The following TMPRSS15 variants were observed in gnomAD, a reference collection of about 807,000 sequenced individuals.
The protein encoded by TMPRSS15 is transmembrane serine protease 15, also known as enteropeptidase.
Under a neutral mutation model 125.3 loss-of-function variants are expected in TMPRSS15, and 128 were observed. The ratio of observed to expected loss-of-function variants is 1.02; its 90% CI spans 0.89 to 1.18. TMPRSS15 has a LOEUF of 1.18. Among genes scored for constraint, TMPRSS15 ranks in the 50% most tolerant of loss-of-function variants. TMPRSS15 has a pLI of 0.00. For synonymous variants in TMPRSS15, 446 were observed against 423.2 expected (o/e 1.05, Z -0.66); for missense variants, 1,283 against 1,212.7 (o/e 1.06, Z -0.86).
chr21:18,472,910 G>C (rs1042854419), intron 1 of TMPRSS15, among the ~76,000 whole-genome samples: 7 of 152,090 alleles, frequency 4.6e-5, no homozygotes, highest in African/African-American at 1.7e-4. Flanking sequence ...TAGCACGTAA[G>C]ATTGATAAGA....
At chr21:18,377,179 T>A (rs2075852942) in intron 5 of TMPRSS15, among the ~76,000 whole-genome samples, 1 of 152,158 alleles carries the variant, frequency 6.6e-6, no homozygotes, top group South Asian at 2.1e-4. Context: ...ACCACCTACT[T>A]ACCTTATAAT....
At chr21:18,461,083 A>C (rs1465757720) in intron 1 of TMPRSS15, among the ~76,000 whole-genome samples, 1 of 152,128 alleles carries the variant, frequency 6.6e-6, no homozygotes, top group East Asian at 1.9e-4. Context: ...GTCTTATCTT[A>C]GTTCCTTTCT....
chr21:18,368,846 T>C (rs1274187848), intron 6 of TMPRSS15, among the ~76,000 whole-genome samples: 5 of 152,208 alleles, frequency 3.3e-5, no homozygotes, highest in Admixed American at 6.5e-5. Context: ...GTATTTCTAA[T>C]AGCAACGCTC....
At chr21:18,346,882 A>T (rs2075514799) in intron 10 of TMPRSS15, among the ~76,000 whole-genome samples, 1 of 152,180 alleles carries the variant, frequency 6.6e-6, no homozygotes, top group South Asian at 2.1e-4. Context: ...TATTAAACCA[A>T]ATACAAATAC....
chr21:18,372,765 AG>A (rs1295807420), intron 5 of TMPRSS15, among the ~76,000 whole-genome samples: 1 of 152,202 alleles, frequency 6.6e-6, no homozygotes, highest in Non-Finnish European at 1.5e-5. Context: ...AGAGATTCTT[AG>A]GGGGTACACT....
intron 1 of TMPRSS15, among the ~76,000 whole-genome samples, chr21:18,447,002 A>G (rs1430386630): frequency 6.6e-6 from 1 of 152,270 alleles, no homozygotes; most frequent in Non-Finnish European, 1.5e-5. Flanking sequence ...CACAACTTAC[A>G]GAACAGGATA....
chr21:18,387,776 A>G (rs544187258), intron 3 of TMPRSS15, among the ~76,000 whole-genome samples: 2 of 152,214 alleles, frequency 1.3e-5, no homozygotes, highest in East Asian at 3.9e-4. Flanking sequence ...GATCATATAC[A>G]CATACATGGT....
chr21:18,455,390 C>G (rs1391623732), intron 1 of TMPRSS15, among the ~76,000 whole-genome samples: 1 of 152,006 alleles, frequency 6.6e-6, no homozygotes, highest in African/African-American at 2.4e-5. Flanking sequence ...AATCATAGTC[C>G]TTTATGGAAA....
At chr21:18,345,607 G>A (rs1036022192) in intron 10 of TMPRSS15, among the ~76,000 whole-genome samples, 1 of 147,598 alleles carries the variant, frequency 6.8e-6, no homozygotes, top group East Asian at 2.0e-4. Context: ...TGGGCGTGGT[G>A]GCGGGCGCCT....
chr21:18,483,980 A>G (rs958777471), intron 1 of TMPRSS15, among the ~76,000 whole-genome samples: 7 of 151,872 alleles, frequency 4.6e-5, no homozygotes, highest in Non-Finnish European at 8.8e-5. Context: ...ATTTTATATG[A>G]CTGGAATCAC....
At chr21:18,271,217 A>T (rs981824633) in intron 24 of TMPRSS15, among the ~76,000 whole-genome samples, 2 of 152,232 alleles carry the variant, frequency 1.3e-5, no homozygotes, top group Non-Finnish European at 2.9e-5. Context: ...CCAAACCCTT[A>T]ATCTGTAATT....
intron 1 of TMPRSS15, among the ~76,000 whole-genome samples, chr21:18,452,595 T>A (rs1978357966): frequency 6.6e-6 from 1 of 152,090 alleles, no homozygotes; most frequent in Non-Finnish European, 1.5e-5. Flanking sequence ...GAGCCCTGGA[T>A]GGGATGTTGA....
intron 13 of TMPRSS15, among the ~76,000 whole-genome samples, chr21:18,335,685 G>T (rs2075384781): frequency 6.6e-6 from 1 of 152,172 alleles, no homozygotes; most frequent in Admixed American, 6.5e-5. Flanking sequence ...GTTACTCTCT[G>T]CATATAAATG....
rs372010407 is a variant in TMPRSS15, at chr21:18,315,205, A to C, written c.1973T>G (p.Leu658Arg). The C allele has an allele frequency of 6.2e-7, 1 of 1,613,978 alleles. No homozygotes were observed. The change falls in exon 17 of 25, where the codon CTG becomes CGG. Residue 658 changes from leucine to arginine, a missense_variant. Leu to Arg is a moderately radical substitution (Grantham distance 102, BLOSUM62 -2). Coordinates refer to ENST00000284885, the MANE Select transcript of TMPRSS15 (RefSeq NM_002772.3). The stretch of plus-strand genomic sequence containing the variant: ...CAGATGACCGTCACAGAGATTCACC[A>C]GTGGAACACACTCTCCATTTTTACA... ...FQCKNGECVPLVNLCDGHLHC... is the reference protein window; with the variant it reads ...FQCKNGECVPRVNLCDGHLHC...
At chr21:18,475,702 T>C (rs917475238) in intron 1 of TMPRSS15, among the ~76,000 whole-genome samples, 8 of 152,192 alleles carry the variant, frequency 5.3e-5, no homozygotes, top group Non-Finnish European at 8.8e-5. Context: ...TAATTTTGAG[T>C]AAATGATATA....
At chr21:18,419,721 A>G (rs1314201208) in intron 1 of TMPRSS15, among the ~76,000 whole-genome samples, 1 of 152,182 alleles carries the variant, frequency 6.6e-6, no homozygotes, top group Non-Finnish European at 1.5e-5. Context: ...TGCTTCACTG[A>G]CATGAAACTT....
intron 1 of TMPRSS15, among the ~76,000 whole-genome samples, chr21:18,441,606 C>CA (rs201137705): frequency 0.045 from 4,439 of 98,302 alleles, 361 homozygotes; most frequent in African/African-American, 0.15. Context: ...GACTCCATCT[C>CA]AAAAAAAAAA....
rs900519566 is a variant in TMPRSS15 at position 18,397,873 on chromosome 21, A to T, written c.344+6T>A. The T allele has an allele frequency of 5.9e-6, 9 of 1,520,744 alleles. No individual in the cohort carries two copies. Among genetic ancestry groups the T allele is most frequent in the Non-Finnish European group, 8.1e-6 (9 of 1,112,704 alleles). 94.2% of individuals were successfully genotyped at this position (1,520,744 alleles called of 1,614,324 possible). A position where few individuals can be genotyped will look rare whatever the true frequency, so the allele number is the denominator to read the frequency against. On this transcript the variant is annotated splice_donor_region_variant and intron_variant, in intron 3 of 24. Transcript: ENST00000284885. ...CATCAGTAGAAAATTTTTGAGCTAT[A>T]CTCACTCAAATTGTAAAACTCTTGA...
At chr21:18,466,306 C>A (rs1364413701) in intron 1 of TMPRSS15, among the ~76,000 whole-genome samples, 1 of 151,934 alleles carries the variant, frequency 6.6e-6, no homozygotes, top group Non-Finnish European at 1.5e-5. Flanking sequence ...AGCCAAAAAA[C>A]CCCTAGAAGA....
Sources: gnomAD v4.1 joint callset for allele counts (sites outside exome capture counted in the v4.1 genomes callset) on GRCh38, gnomAD v4.1.1 for gene constraint, MANE v1.5 for transcripts, NCBI Gene and HGNC (gene_info 2026-07-23, HGNC 2026-07-21) for gene names.